The following NLGN4X variants were observed in gnomAD, a reference collection of about 807,000 sequenced individuals.
NLGN4X encodes the protein neuroligin 4 X-linked, also known as neuroligin-4, X-linked.
A neutral mutation model predicts 40.3 loss-of-function variants in NLGN4X; 3 were observed. That is an observed-to-expected ratio of 0.07 (90% CI 0.03 to 0.19). The LOEUF is 0.19. Among genes scored for constraint, NLGN4X ranks in the 10% least tolerant of loss-of-function variants. The probability of loss-of-function intolerance (pLI) is 1.00; values close to 1 mark genes in which losing one functional copy is unlikely to be tolerated. For synonymous variants in NLGN4X, 270 were observed against 306.8 expected, an observed-to-expected ratio of 0.88 and a Z score of 1.25; for missense variants, 382 against 708.3, an observed-to-expected ratio of 0.54 and a Z score of 5.23.
intron 1 of NLGN4X, among the ~76,000 whole-genome samples, chrX:6,211,994 C>T (rs1454397579): frequency 1.8e-5 from 2 of 111,402 alleles, no homozygotes; most frequent in African/African-American, 6.5e-5. Flanking sequence ...GTCTGTAATC[C>T]CAGCACGTCA....
intron 2 of NLGN4X, among the ~76,000 whole-genome samples, chrX:6,083,347 G>A (rs1316279030): frequency 8.9e-6 from 1 of 111,786 alleles, no homozygotes; most frequent in Non-Finnish European, 1.9e-5. Flanking sequence ...AAATGGTCTT[G>A]CCAGATGATG....
intron 2 of NLGN4X, among the ~76,000 whole-genome samples, chrX:6,072,390 G>A (rs770454986): frequency 9.0e-6 from 1 of 110,997 alleles, no homozygotes; most frequent in Non-Finnish European, 1.9e-5. Flanking sequence ...CAAAGTGTAC[G>A]TGATAGAACA....
intron 2 of NLGN4X, among the ~76,000 whole-genome samples, chrX:6,042,730 T>TATATATACACACACAC (rs1215396694): frequency 1.2e-3 from 24 of 20,164 alleles, no homozygotes; most frequent in African/African-American, 3.5e-3. Flanking sequence ...TATATATATA[T>TATATATACACACACAC]ACACACACAC....
At chrX:6,206,570 C>T (rs1007611987) in intron 1 of NLGN4X, among the ~76,000 whole-genome samples, 1 of 111,824 alleles carries the variant, frequency 8.9e-6, no homozygotes, top group Non-Finnish European at 1.9e-5. Context: ...AGTCCAAAAT[C>T]ATGATGTTGG....
chrX:5,983,149 G>A (rs1369713465), intron 3 of NLGN4X, among the ~76,000 whole-genome samples: 1 of 112,743 alleles, frequency 8.9e-6, no homozygotes, highest in Admixed American at 9.4e-5. Flanking sequence ...AGTCTTGCAA[G>A]TGCTTGCAGT....
chrX:5,975,752 T>C (rs1268473777), intron 3 of NLGN4X, among the ~76,000 whole-genome samples: 1 of 111,209 alleles, frequency 9.0e-6, no homozygotes, highest in East Asian at 2.8e-4. Flanking sequence ...AAACCTAGTC[T>C]TATTAGAAAA....
intron 3 of NLGN4X, among the ~76,000 whole-genome samples, chrX:5,960,277 A>G (rs1270456905): frequency 9.3e-6 from 1 of 107,872 alleles, no homozygotes; most frequent in Non-Finnish European, 1.9e-5. Context: ...AAAAAACACT[A>G]AAAAGAAATA....
At chrX:6,062,388 G>A (rs996171166) in intron 2 of NLGN4X, among the ~76,000 whole-genome samples, 3 of 111,912 alleles carry the variant, frequency 2.7e-5, no homozygotes, top group Non-Finnish European at 3.8e-5. Context: ...TGCCCCTACA[G>A]ACAAGCCTCA....
intron 1 of NLGN4X, among the ~76,000 whole-genome samples, chrX:6,167,069 C>CAA (rs869227439): frequency 4.2e-4 from 25 of 59,220 alleles, no homozygotes; most frequent in African/African-American, 1.4e-3. Context: ...GAAACTGTCT[C>CAA]AAAAAAAAAA....
At chrX:6,162,111 A>T (rs1187664612) in intron 1 of NLGN4X, among the ~76,000 whole-genome samples, 2 of 111,917 alleles carry the variant, frequency 1.8e-5, no homozygotes, top group Non-Finnish European at 3.8e-5. Context: ...TAAGAACAAC[A>T]GGCTCAAATG....
chrX:6,114,116 G>A (rs896244565), intron 2 of NLGN4X, among the ~76,000 whole-genome samples: 1 of 111,308 alleles, frequency 9.0e-6, no homozygotes, highest in East Asian at 2.8e-4. Context: ...CACCGCACCC[G>A]GCCTACTTCT....
intron 3 of NLGN4X, among the ~76,000 whole-genome samples, chrX:5,979,726 G>GTGTATATATACACACATACATATATA (rs1569166011): frequency 0.079 from 3,981 of 50,427 alleles, 518 homozygotes; most frequent in Non-Finnish European, 0.11. Context: ...ATATATATAT[G>GTGTATATATACACACATACATATATA]TGTGTATATA....
At chrX:5,902,485 C>A (rs2031928073) in intron 5 of NLGN4X, among the ~76,000 whole-genome samples, 1 of 109,921 alleles carries the variant, frequency 9.1e-6, no homozygotes, top group Admixed American at 9.7e-5. Flanking sequence ...CCACTATACT[C>A]CAGCCTAGGC....
intron 2 of NLGN4X, among the ~76,000 whole-genome samples, chrX:6,066,010 C>T (rs2037906162): frequency 9.0e-6 from 1 of 111,281 alleles, no homozygotes; most frequent in Admixed American, 9.6e-5. Context: ...AAATATAATA[C>T]TCATTTTAAA....
chrX:5,973,274 A>G lies in NLGN4X; in HGVS notation c.625+56006T>C, dbSNP rs1051948279. On this transcript the variant is annotated intron_variant, in intron 3 of 5. Coordinates refer to ENST00000381095, the MANE Select transcript of NLGN4X (RefSeq NM_181332.3). Reference sequence around the variant, plus strand: ...AGAGAGCCACACCACTCATGGACAAATCATCTATTGCTGCTCTCACACTGC... The same window carrying G: ...AGAGAGCCACACCACTCATGGACAAGTCATCTATTGCTGCTCTCACACTGC... Among the ~76,000 whole-genome samples the G allele has an allele frequency of 3.6e-5, 4 of 112,445 alleles. No homozygotes were observed. In the Admixed American group the frequency reaches 3.8e-4, roughly 11 times the overall value.
chrX:6,213,301 T>C (rs1330723011), intron 1 of NLGN4X, among the ~76,000 whole-genome samples: 2 of 111,459 alleles, frequency 1.8e-5, no homozygotes, highest in Non-Finnish European at 3.8e-5. Context: ...TCCATGACAT[T>C]AATACCTCAA....
intron 2 of NLGN4X, among the ~76,000 whole-genome samples, chrX:6,126,217 T>A (rs1348016377): frequency 9.0e-6 from 1 of 111,405 alleles, no homozygotes; most frequent in Non-Finnish European, 1.9e-5. Flanking sequence ...TGATAATGAC[T>A]GCATGCTTTA....
chrX:6,101,431 A>G (rs1025835133), intron 2 of NLGN4X, among the ~76,000 whole-genome samples: 2 of 112,380 alleles, frequency 1.8e-5, no homozygotes, highest in Admixed American at 1.9e-4. Context: ...GTCCATCAAC[A>G]GGTGAATGGA....
intron 3 of NLGN4X, among the ~76,000 whole-genome samples, chrX:5,966,095 GA>G (rs2034825042): frequency 8.9e-6 from 1 of 112,059 alleles, no homozygotes; most frequent in Non-Finnish European, 1.9e-5. Context: ...CTTCTCCATA[GA>G]AACAGATAAG....
Sources: allele counts gnomAD v4.1 joint callset (sites outside exome capture counted in the v4.1 genomes callset), GRCh38; gene constraint gnomAD v4.1.1; transcripts MANE v1.5; gene names NCBI Gene and HGNC (gene_info 2026-07-23, HGNC 2026-07-21).